Variants in TECPR2 observed in about 807,000 individuals in gnomAD.
TECPR2 encodes tectonin beta-propeller repeat-containing protein 2.
A neutral mutation model predicts 138.1 loss-of-function variants in TECPR2; 65 were observed. The ratio of observed to expected loss-of-function variants is 0.47; its 90% CI spans 0.39 to 0.58. TECPR2 has a LOEUF of 0.58. Ranked by LOEUF, TECPR2 falls within the 20% of genes least tolerant of loss-of-function variation. The probability of loss-of-function intolerance (pLI) is 0.00; values close to 1 mark genes in which losing one functional copy is unlikely to be tolerated. For synonymous variants in TECPR2, 746 were observed against 749.8 expected, an observed-to-expected ratio of 0.99 and a Z score of 0.08; for missense variants, 1,553 against 1,824.5, an observed-to-expected ratio of 0.85 and a Z score of 2.71.
At chr14:102,424,896 TTAATA>T (rs1889273726) in intron 5 of TECPR2, 78 bp from the exon 6 acceptor site, 8 of 1,357,796 alleles carry the variant, frequency 5.9e-6, no homozygotes, top group Non-Finnish European at 8.1e-6. Flanking sequence ...CTTGTTGTAC[TTAATA>T]TTAAGGGTTG....
intron 2 of TECPR2, among the ~76,000 whole-genome samples, chr14:102,406,503 G>A (rs966560380): frequency 6.6e-6 from 1 of 151,350 alleles, no homozygotes; most frequent in Non-Finnish European, 1.5e-5. Context: ...CCAAGGTGGC[G>A]CCACTGCACT....
At chr14:102,480,841 G>GTTTTTTTTTTTTTTTT (rs71119706) in intron 17 of TECPR2, among the ~76,000 whole-genome samples, 1 of 75,182 alleles carries the variant, frequency 1.3e-5, no homozygotes, top group Non-Finnish European at 2.3e-5. Flanking sequence ...TTGGTTTTGG[G>GTTTTTTTTTTTTTTTT]TTTTTTTTTT....
Position 102,445,722 on chromosome 14 carries a change from G to A in TECPR2, c.2934-84G>A. 6.8e-6 allele frequency: 10 copies of A among 1,479,724 alleles called. No homozygotes were observed. In the South Asian group the frequency reaches 1.3e-4, roughly 19 times the overall value. The allele number at this position is 1,479,724 out of a possible 1,614,324, so 91.7% of individuals were successfully genotyped here. The stretch of plus-strand genomic sequence containing the variant: ...TCTCTTCTCCCAGCCACGCCTGCCG[G>A]GAGACCCTGGATGTCCGCAGTCCAG... On this transcript the variant is annotated intron_variant, in intron 12 of 19. Coordinates refer to ENST00000359520, the MANE Select transcript of TECPR2 (RefSeq NM_014844.5).
At chr14:102,496,846 CCT>C in intron 17 of TECPR2, 131 bp from the exon 18 acceptor site, 1 of 1,348,774 alleles carries the variant, frequency 7.4e-7, no homozygotes, top group Non-Finnish European at 1.0e-6. Flanking sequence ...CAGGACGTGG[CCT>C]CTCTGCCTCC....
intron 1 of TECPR2, among the ~76,000 whole-genome samples, chr14:102,371,792 A>G (rs888685802): frequency 1.3e-5 from 2 of 152,186 alleles, no homozygotes; most frequent in African/African-American, 4.8e-5. Flanking sequence ...TTATCCATAC[A>G]GTGTGTTCTC....
rs928449042 is a variant in TECPR2 at position 102,498,502 on chromosome 14, C to T, written c.*245C>T. 5.3e-5 allele frequency: 30 copies of T among 571,114 alleles called. No individual in the cohort carries two copies. The highest frequency in any genetic ancestry group is 2.8e-4 in the African/African-American group (15 of 53,254). 35.4% of individuals were successfully genotyped at this position (571,114 alleles called of 1,614,324 possible). A position where few individuals can be genotyped will look rare whatever the true frequency, so the allele number is the denominator to read the frequency against. Reference sequence around the variant, plus strand: ...CTAGCTCAGGACAGTGGCGACTGCCCGGCTGCATGCACTCCGATTACCCAC... The same window carrying T: ...CTAGCTCAGGACAGTGGCGACTGCCTGGCTGCATGCACTCCGATTACCCAC... On this transcript the variant is annotated 3_prime_UTR_variant, in exon 20 of 20. Coordinates refer to ENST00000359520, the MANE Select transcript of TECPR2 (RefSeq NM_014844.5).
At chr14:102,447,452 G>A (rs1567345993) in intron 13 of TECPR2, among the ~76,000 whole-genome samples, 1 of 152,064 alleles carries the variant, frequency 6.6e-6, no homozygotes, top group Non-Finnish European at 1.5e-5. Flanking sequence ...CCCTTCTTTG[G>A]TATAGTTTAG....
At chr14:102,414,204 A>T (rs1337162136) in intron 4 of TECPR2, among the ~76,000 whole-genome samples, 3 of 152,170 alleles carry the variant, frequency 2.0e-5, no homozygotes, top group Non-Finnish European at 4.4e-5. Context: ...CAATAATTTT[A>T]TAGAATGTTC....
At chr14:102,473,803 CT>C (rs1376298904) in intron 17 of TECPR2, among the ~76,000 whole-genome samples, 4 of 152,178 alleles carry the variant, frequency 2.6e-5, no homozygotes, top group African/African-American at 7.2e-5. Context: ...AATTTTCTGT[CT>C]GTGTTAGAGG....
rs558982711 is a variant in TECPR2 at position 102,499,995 on chromosome 14, T to C, written c.*1738T>C. The C allele has an allele frequency of 1.3e-5, 2 of 152,876 alleles. No homozygotes were observed. The highest frequency in any genetic ancestry group is 6.5e-5 in the Admixed American group (1 of 15,304). The allele number at this position is 152,876 out of a possible 1,614,324, so 9.5% of individuals were successfully genotyped here. A position where few individuals can be genotyped will look rare whatever the true frequency, so the allele number is the denominator to read the frequency against. ...GCCGGGCTGCATCTCTCTGTGTCTG[T>C]TGTGCCTTGCCCGGCGCCTCACGGA... On this transcript the variant is annotated 3_prime_UTR_variant, in exon 20 of 20. Transcript: ENST00000359520.
Position 102,499,220 on chromosome 14 carries a change from C to G in TECPR2, c.*963C>G, listed in dbSNP as rs1366150347. The G allele has an allele frequency of 7.2e-6, 5 of 692,442 alleles. No homozygotes were observed. The highest frequency in any genetic ancestry group is 1.3e-5 in the Non-Finnish European group (5 of 377,260). The allele number at this position is 692,442 out of a possible 1,614,324, so 42.9% of individuals were successfully genotyped here. ...GCGTGGGGGAGCTGAGCAAGGGTCG[C>G]TCACTTAGAAATGTCTTTGGAATGG... On this transcript the variant is annotated 3_prime_UTR_variant, in exon 20 of 20. Coordinates refer to ENST00000359520, the MANE Select transcript of TECPR2 (RefSeq NM_014844.5).
chr14:102,364,170 G>T (rs1456175008), intron 1 of TECPR2, among the ~76,000 whole-genome samples: 1 of 152,208 alleles, frequency 6.6e-6, no homozygotes. Flanking sequence ...AGAGTTCTGG[G>T]AAATCTCAAA....
At chr14:102,385,560 T>A (rs558014482) in intron 2 of TECPR2, among the ~76,000 whole-genome samples, 2 of 152,282 alleles carry the variant, frequency 1.3e-5, no homozygotes, top group African/African-American at 4.8e-5. Flanking sequence ...ATCCACAGGC[T>A]GTACCAGAGA....
chr14:102,427,118 A>T (rs1889344737), intron 6 of TECPR2, among the ~76,000 whole-genome samples: 1 of 152,122 alleles, frequency 6.6e-6, no homozygotes. Context: ...AGAAGCATCG[A>T]CTTAGGGGAA....
intron 19 of TECPR2, 95 bp from the exon 20 acceptor site, chr14:102,498,008 C>A: frequency 6.6e-7 from 1 of 1,520,428 alleles, no homozygotes; most frequent in Non-Finnish European, 8.8e-7. Context: ...TAGAATGTGG[C>A]AAGCCCAGAC....
At chr14:102,412,783 G>C (rs1888919769) in intron 4 of TECPR2, among the ~76,000 whole-genome samples, 1 of 152,152 alleles carries the variant, frequency 6.6e-6, no homozygotes. Context: ...GTGTGCAGCA[G>C]AAGGGAGAAT....
intron 1 of TECPR2, among the ~76,000 whole-genome samples, chr14:102,370,780 CAG>C (rs1256819225): frequency 1.3e-5 from 2 of 152,090 alleles, no homozygotes; most frequent in African/African-American, 4.8e-5. Context: ...AGCTGGGCAC[CAG>C]AGAGAGCTGC....
intron 1 of TECPR2, among the ~76,000 whole-genome samples, chr14:102,365,172 CCATA>C (rs773417606): frequency 4.6e-4 from 70 of 152,276 alleles, no homozygotes; most frequent in Non-Finnish European, 7.6e-4. Context: ...ATTGATTGTA[CCATA>C]CTCTTTATTG....
In TECPR2 at chr14:102,487,690, C is replaced by T. The variant is rs926257379; in HGVS notation, c.3790-9289C>T. Among the ~76,000 whole-genome samples the T allele has an allele frequency of 6.6e-5, 10 of 151,528 alleles. No homozygotes were observed. The South Asian group carries it at 1.3e-3, about 19-fold the overall frequency. On this transcript the variant is annotated intron_variant, in intron 17 of 19. Transcript: ENST00000359520. Reference sequence around the variant, plus strand: ...CCGAGTAGCTGGGACTACAGGCGCCCGCCACCACGCCTGGCTAATTTTTTG... The same window carrying T: ...CCGAGTAGCTGGGACTACAGGCGCCTGCCACCACGCCTGGCTAATTTTTTG...
Sources: gnomAD v4.1 joint callset for allele counts (sites outside exome capture counted in the v4.1 genomes callset) on GRCh38, gnomAD v4.1.1 for gene constraint, MANE v1.5 for transcripts, NCBI Gene and HGNC (gene_info 2026-07-23, HGNC 2026-07-21) for gene names.